Variants in DPYD observed in about 807,000 individuals in gnomAD.
The protein encoded by DPYD is dihydropyrimidine dehydrogenase [NADP(+)].
DPYD carries 109 observed loss-of-function variants against 116.2 expected under a neutral mutation model. The observed-to-expected ratio is 0.94, with a 90% CI of 0.80 to 1.10. DPYD has a LOEUF of 1.10. Ranked by LOEUF, DPYD falls within the 50% of genes least tolerant of loss-of-function variation. DPYD has a pLI of 0.00. For synonymous variants in DPYD, 440 were observed against 432.0 expected, an observed-to-expected ratio of 1.02 and a Z score of -0.23; for missense variants, 1,302 against 1,254.5, an observed-to-expected ratio of 1.04 and a Z score of -0.57.
intron 18 of DPYD, among the ~76,000 whole-genome samples, chr1:97,293,046 T>C (rs1012385249): frequency 6.6e-6 from 1 of 152,198 alleles, no homozygotes; most frequent in Non-Finnish European, 1.5e-5. Flanking sequence ...AAAGTACATA[T>C]GTTTCTTTGT....
At chr1:97,751,456 GTGTGTATA>G (rs1158260638) in intron 3 of DPYD, among the ~76,000 whole-genome samples, 21 of 24,422 alleles carry the variant, frequency 8.6e-4, no homozygotes, top group African/African-American at 2.2e-3. Context: ...GTGTGTGTGT[GTGTGTATA>G]TATATATATA....
intron 8 of DPYD, among the ~76,000 whole-genome samples, chr1:97,657,645 T>C: frequency 6.6e-6 from 1 of 152,192 alleles, no homozygotes; most frequent in Non-Finnish European, 1.5e-5. Context: ...CTTGTAGTCA[T>C]AAATATATCT....
chr1:97,677,336 A>G (rs1557877186), intron 8 of DPYD, among the ~76,000 whole-genome samples: 2 of 152,180 alleles, frequency 1.3e-5, no homozygotes, highest in African/African-American at 2.4e-5. Flanking sequence ...AATGGAAAAC[A>G]TATCTTTTAG....
At chr1:97,242,660 T>A (rs1032584061) in intron 18 of DPYD, among the ~76,000 whole-genome samples, 1 of 151,800 alleles carries the variant, frequency 6.6e-6, no homozygotes, top group Non-Finnish European at 1.5e-5. Context: ...ATATCTATTT[T>A]TATAATGTTC....
intron 20 of DPYD, among the ~76,000 whole-genome samples, chr1:97,178,375 TC>T: frequency 6.6e-6 from 1 of 152,158 alleles, no homozygotes; most frequent in African/African-American, 2.4e-5. Context: ...GACTCACAAT[TC>T]TGCACTGCTG....
intron 3 of DPYD, among the ~76,000 whole-genome samples, chr1:97,752,545 G>A (rs953600605): frequency 3.9e-5 from 6 of 151,968 alleles, no homozygotes; most frequent in African/African-American, 9.7e-5. Flanking sequence ...TCTGAGCCTC[G>A]GCTTCTATTG....
In DPYD at chr1:97,305,341, T is replaced by C; in HGVS notation, c.2217A>G (p.Ser739=). Residue 739 remains serine, a synonymous_variant, in exon 18 of 23, where the codon TCA becomes TCG. Transcript: ENST00000370192. The part of the protein sequence containing the change: ...ANGVTATNTV[S]GLMGLKSDGT... ...CATCAGATTTTAATCCCATCAGACC[T>C]GAGACAGTGTTGGTGGCTGTAACGC... 6.2e-7 allele frequency: 1 copy of C among 1,612,438 alleles called. No homozygotes were observed. Among genetic ancestry groups the C allele is most frequent in the African/African-American group, 1.3e-5 (1 of 74,888 alleles).
intron 2 of DPYD, among the ~76,000 whole-genome samples, chr1:97,836,963 T>C (rs972739986): frequency 1.6e-4 from 24 of 152,112 alleles, no homozygotes; most frequent in Admixed American, 7.9e-4. Flanking sequence ...TAAAAGCACA[T>C]GTGTGCATTT....
At chr1:97,079,243 A>C in intron 22 of DPYD, 97 bp from the exon 23 acceptor site, 3 of 1,254,782 alleles carry the variant, frequency 2.4e-6, no homozygotes, top group Non-Finnish European at 3.5e-6. Flanking sequence ...CAGAGGAGCC[A>C]CACTATGAGA....
chr1:97,699,572 T>A (rs754590320), intron 5 of DPYD, 25 bp from the exon 6 acceptor site: 8 of 1,611,204 alleles, frequency 5.0e-6, no homozygotes, highest in African/African-American at 4.0e-5. Flanking sequence ...ATTGTCATGG[T>A]TAAAATTTTG....
chr1:97,655,568 G>A (rs1407217285), intron 8 of DPYD, among the ~76,000 whole-genome samples: 1 of 152,150 alleles, frequency 6.6e-6, no homozygotes, highest in Non-Finnish European at 1.5e-5. Context: ...GCTTAAACAA[G>A]TTGATTTCTA....
chr1:97,141,650 A>G (rs765691647), intron 20 of DPYD, among the ~76,000 whole-genome samples: 12 of 152,086 alleles, frequency 7.9e-5, no homozygotes, highest in Non-Finnish European at 1.3e-4. Flanking sequence ...ATCATTTATT[A>G]TCTTTACTGT....
At position 97,640,550 on chromosome 1, in the gene DPYD, C is replaced by A. The variant is rs557430260; in HGVS notation, c.850+38545G>T. ...TCTCAAACTCCTGACTTGAGGTGAT[C>A]CTCCCACTGAAGCCTCCCACAGTGC... On this transcript the variant is annotated intron_variant, in intron 8 of 22. Transcript: ENST00000370192. 5.3e-5 allele frequency among the ~76,000 whole-genome samples: 8 copies of A among 152,212 alleles called. No homozygotes were observed. In the East Asian group the frequency reaches 1.5e-3, roughly 29 times the overall value.
intron 16 of DPYD, among the ~76,000 whole-genome samples, chr1:97,372,195 A>G (rs1406989857): frequency 1.3e-5 from 2 of 152,094 alleles, no homozygotes; most frequent in African/African-American, 4.8e-5. Flanking sequence ...TAGATTTAAA[A>G]CCTCCGTAGT....
At chr1:97,420,144 C>T (rs551370318) in intron 14 of DPYD, 128 of 152,400 alleles carry the variant, frequency 8.4e-4, no homozygotes, top group African/African-American at 2.9e-3. Flanking sequence ...CAGTGGCATC[C>T]ACAGGTACTT....
intron 13 of DPYD, among the ~76,000 whole-genome samples, chr1:97,465,852 G>A (rs1677292815): frequency 6.6e-6 from 1 of 152,150 alleles, no homozygotes. Context: ...CTGTGTCATG[G>A]GCAGGCTCTT....
In DPYD at chr1:97,147,684, G is replaced by A. The variant is rs118079213; in HGVS notation, c.2622+45385C>T. ...CTTTTCCTAAATATCCCAACTGTAA[G>A]ACTTACACATATTTCTCAAGTTGTA... On this transcript the variant is annotated intron_variant, in intron 20 of 22. Transcript: ENST00000370192. Among the ~76,000 whole-genome samples, 108 of 152,222 alleles carry A rather than the reference G, an allele frequency of 7.1e-4. 1 individual carries two copies. In the East Asian group the frequency reaches 0.018, roughly 25 times the overall value.
At position 97,078,837 on chromosome 1, in the gene DPYD, A is replaced by G; in HGVS notation, c.*139T>C. 2 of 1,015,712 alleles carry G rather than the reference A, an allele frequency of 2.0e-6. No individual in the cohort carries two copies. The highest frequency in any genetic ancestry group is 3.0e-6 in the Non-Finnish European group (2 of 671,786). The allele number at this position is 1,015,712 out of a possible 1,614,324, so 62.9% of individuals were successfully genotyped here. On this transcript the variant is annotated 3_prime_UTR_variant, in exon 23 of 23. Transcript: ENST00000370192. ...AGACATTTTTTACACTTACAAATGTATTTTGAAATTACATATTTTTATTTA... is the reference window on the plus strand; with the variant it reads ...AGACATTTTTTACACTTACAAATGTGTTTTGAAATTACATATTTTTATTTA...
intron 8 of DPYD, among the ~76,000 whole-genome samples, chr1:97,613,488 T>C (rs1369623606): frequency 6.6e-6 from 1 of 152,012 alleles, no homozygotes; most frequent in Admixed American, 6.6e-5. Context: ...GTGGTTTCAC[T>C]CACAAAAAGT....
Sources: allele counts gnomAD v4.1 joint callset (sites outside exome capture counted in the v4.1 genomes callset), GRCh38; gene constraint gnomAD v4.1.1; transcripts MANE v1.5; gene names NCBI Gene and HGNC (gene_info 2026-07-23, HGNC 2026-07-21).